The following CTNNA3 variants were observed in gnomAD, a reference collection of about 807,000 sequenced individuals.
The protein encoded by CTNNA3 is catenin alpha 3, also known as catenin alpha-3.
Under a neutral mutation model 95.7 loss-of-function variants are expected in CTNNA3, and 76 were observed. The observed-to-expected ratio is 0.79, with a 90% CI of 0.66 to 0.96. The LOEUF is 0.96. CTNNA3 is among the 40% of genes least tolerant of loss of function. CTNNA3 has a pLI of 0.00. For missense variants in CTNNA3, 1,191 were observed against 1,089.8 expected (o/e 1.09, Z -1.31); for synonymous variants, 431 against 374.4 (o/e 1.15, Z -1.74).
At chr10:66,160,194 T>C (rs1431261668) in intron 13 of CTNNA3, among the ~76,000 whole-genome samples, 1 of 152,050 alleles carries the variant, frequency 6.6e-6, no homozygotes, top group Non-Finnish European at 1.5e-5. Context: ...TGCTTGGAAC[T>C]TCGTTATTTC....
intron 15 of CTNNA3, among the ~76,000 whole-genome samples, chr10:66,025,852 A>T (rs1369347287): frequency 6.6e-6 from 1 of 152,168 alleles, no homozygotes; most frequent in Non-Finnish European, 1.5e-5. Context: ...TATGTGATAG[A>T]TTAGTGAATT....
chr10:66,142,680 A>C (rs10509249), intron 13 of CTNNA3, among the ~76,000 whole-genome samples: 11,175 of 152,134 alleles, frequency 0.073, 512 homozygotes, highest in Admixed American at 0.12. Flanking sequence ...GCAATTAAAC[A>C]ACCATAAATC....
intron 2 of CTNNA3, among the ~76,000 whole-genome samples, chr10:67,624,374 T>A (rs572976595): frequency 1.4e-4 from 21 of 152,242 alleles, no homozygotes; most frequent in African/African-American, 4.8e-4. Context: ...CCCAGGCCAC[T>A]GTATGTTCTC....
At chr10:67,699,493 G>T (rs1841016342), upstream of CTNNA3, among the ~76,000 whole-genome samples, 2 of 152,180 alleles carry the variant, frequency 1.3e-5, no homozygotes, top group African/African-American at 4.8e-5. Context: ...TATTGAGTGG[G>T]ACTTCTCCTG....
At chr10:67,554,442 C>G (rs886820012) in intron 3 of CTNNA3, among the ~76,000 whole-genome samples, 3 of 152,138 alleles carry the variant, frequency 2.0e-5, no homozygotes, top group Admixed American at 6.6e-5. Flanking sequence ...TTCTAATGAT[C>G]GCCATTCTAA....
At chr10:67,163,257 G>T (rs1861624921) in intron 7 of CTNNA3, among the ~76,000 whole-genome samples, 1 of 151,928 alleles carries the variant, frequency 6.6e-6, no homozygotes, top group Non-Finnish European at 1.5e-5. Context: ...TATGTAAAAT[G>T]AATTGTATAC....
chr10:65,925,682 C>T (rs950405164), intron 17 of CTNNA3, among the ~76,000 whole-genome samples: 27 of 152,302 alleles, frequency 1.8e-4, no homozygotes, highest in Non-Finnish European at 3.8e-4. Context: ...GGTCATCCGC[C>T]TTCCTTGGCC....
At chr10:67,236,393 C>T (rs1025753684) in intron 5 of CTNNA3, among the ~76,000 whole-genome samples, 1 of 150,862 alleles carries the variant, frequency 6.6e-6, no homozygotes, top group African/African-American at 2.4e-5. Flanking sequence ...TCATCATTCT[C>T]AGCAAACTAT....
intron 5 of CTNNA3, among the ~76,000 whole-genome samples, chr10:67,222,049 A>C (rs893228722): frequency 2.0e-5 from 3 of 152,164 alleles, no homozygotes; most frequent in Non-Finnish European, 4.4e-5. Flanking sequence ...ACCTAAGTCT[A>C]CTGATTGCTA....
At chr10:67,494,033 T>C (rs1838948812) in intron 5 of CTNNA3, among the ~76,000 whole-genome samples, 1 of 152,186 alleles carries the variant, frequency 6.6e-6, no homozygotes, top group Non-Finnish European at 1.5e-5. Flanking sequence ...GAAAATGGGA[T>C]TCAGAATACA....
intron 5 of CTNNA3, among the ~76,000 whole-genome samples, chr10:67,467,185 T>A (rs778070104): frequency 1.3e-5 from 2 of 152,116 alleles, no homozygotes; most frequent in Non-Finnish European, 2.9e-5. Flanking sequence ...AATCTCATAG[T>A]AACAAAGTTT....
chr10:67,023,191 G>A (rs369440703), intron 7 of CTNNA3, among the ~76,000 whole-genome samples: 20 of 152,134 alleles, frequency 1.3e-4, no homozygotes, highest in South Asian at 1.0e-3. Flanking sequence ...TCAAATAAAG[G>A]AAAAGATGGT....
intron 4 of CTNNA3, among the ~76,000 whole-genome samples, chr10:67,523,411 C>A (rs1187786220): frequency 6.6e-6 from 1 of 152,122 alleles, no homozygotes; most frequent in Non-Finnish European, 1.5e-5. Flanking sequence ...ACAGGAGTTC[C>A]TATTTCTCTT....
intron 1 of CTNNA3, among the ~76,000 whole-genome samples, chr10:67,758,323 T>TACACACAC (rs3059974): frequency 1.1e-4 from 16 of 143,414 alleles, no homozygotes; most frequent in East Asian, 4.0e-4. Context: ...TAAATATATA[T>TACACACAC]ACACACACAC....
chr10:66,380,614 T>C (rs2092830211), intron 11 of CTNNA3, among the ~76,000 whole-genome samples: 1 of 110,862 alleles, frequency 9.0e-6, no homozygotes, highest in African/African-American at 5.0e-5. Flanking sequence ...TCTATCTATC[T>C]ATCTATCTAT....
chr10:67,510,351 A>G (rs1589374440), intron 5 of CTNNA3, among the ~76,000 whole-genome samples: 1 of 152,024 alleles, frequency 6.6e-6, no homozygotes, highest in Admixed American at 6.6e-5. Flanking sequence ...ATTCATCTTG[A>G]ATTAATTTTT....
intron 6 of CTNNA3, among the ~76,000 whole-genome samples, chr10:67,209,804 AAC>A (rs1245479370): frequency 6.6e-6 from 1 of 152,046 alleles, no homozygotes. Context: ...AGTTAAAACT[AAC>A]ACCTATTTTT....
intron 5 of CTNNA3, among the ~76,000 whole-genome samples, chr10:67,465,861 C>T (rs1847571391): frequency 6.6e-6 from 1 of 152,142 alleles, no homozygotes; most frequent in Non-Finnish European, 1.5e-5. Flanking sequence ...CATCGAAAGA[C>T]ACTGCCATTT....
chr10:66,092,963 T>C (rs1204925872), intron 14 of CTNNA3, among the ~76,000 whole-genome samples: 4 of 151,898 alleles, frequency 2.6e-5, no homozygotes, highest in Admixed American at 2.0e-4. Context: ...TACTAAGCAA[T>C]TCAGATTAGC....
Sources: gnomAD v4.1 joint callset for allele counts (sites outside exome capture counted in the v4.1 genomes callset) on GRCh38, gnomAD v4.1.1 for gene constraint, MANE v1.5 for transcripts, NCBI Gene and HGNC (gene_info 2026-07-23, HGNC 2026-07-21) for gene names.